Variants in NAGA observed in about 807,000 individuals in gnomAD.
NAGA encodes alpha-N-acetylgalactosaminidase, also known as Acetylgalactosaminidase, alpha-N- (alpha-galactosidase B).
A neutral mutation model predicts 45.6 loss-of-function variants in NAGA; 42 were observed. The observed-to-expected ratio is 0.92, with a 90% CI of 0.72 to 1.19. NAGA has a LOEUF of 1.19. NAGA is among the 50% of genes most tolerant of loss of function. NAGA has a pLI of 0.00. For synonymous variants in NAGA, 176 were observed against 203.1 expected, an observed-to-expected ratio of 0.87 and a Z score of 1.13; for missense variants, 493 against 544.8, an observed-to-expected ratio of 0.90 and a Z score of 0.95.
At position 42,068,521 on chromosome 22, in the gene NAGA, G is replaced by A. The variant is rs1348362674; in HGVS notation, c.70C>T (p.Gln24Ter). ...GCCAGCCAGCCCATGGGTGGTGTCT[G>A]CAGGAGCCCATTGTCCAGCATCAGC... ...QVLMLDNGLL[Q>*]TPPMGWLAWE... The change falls in exon 2 of 9, where the codon CAG becomes TAG. Residue 24 changes from glutamine to a stop codon, truncating the protein, a stop_gained. Transcript: ENST00000396398. LOFTEE classifies it high-confidence loss of function. The A allele has an allele frequency of 6.2e-7, 1 of 1,614,198 alleles. No individual in the cohort carries two copies. Among genetic ancestry groups the A allele is most frequent in the East Asian group, 2.2e-5 (1 of 44,890 alleles).
chr22:42,068,048 C>G, intron 2 of NAGA, 112 bp from the exon 3 acceptor site: 1 of 1,043,504 alleles, frequency 9.6e-7, no homozygotes, highest in Non-Finnish European at 1.5e-6. Flanking sequence ...CTTGCTGAGC[C>G]CTAAGCCAGG....
Position 42,066,774 on chromosome 22 carries a change from G to T in NAGA, c.533C>A (p.Ala178Asp), listed in dbSNP as rs1412187990. 6.2e-7 allele frequency: 1 copy of T among 1,606,704 alleles called. No homozygotes were observed. The highest frequency in any genetic ancestry group is 1.1e-5 in the South Asian group (1 of 89,736). The change falls in exon 5 of 9, where the codon GCC (alanine) becomes GAC (aspartate). Residue 178 changes from alanine to aspartate, a missense_variant. Physicochemically the swap from Ala to Asp is moderately radical, Grantham distance 126. Transcript: ENST00000396398. ...GGAGAAGGCGATGGGGCGGCCTGTGGCATTCAGGGCAGCAGCCATCTTGGG... is the reference window on the plus strand; with the variant it reads ...GGAGAAGGCGATGGGGCGGCCTGTGTCATTCAGGGCAGCAGCCATCTTGGG... ...GYPKMAAALN[A>D]TGRPIAFSCS...
Position 42,058,886 on chromosome 22 carries a change from C to T in NAGA, c.*1393G>A, listed in dbSNP as rs1343525029. 2 of 152,266 alleles carry T rather than the reference C, an allele frequency of 1.3e-5. No individual in the cohort carries two copies. Among genetic ancestry groups the T allele is most frequent in the Non-Finnish European group, 2.9e-5 (2 of 68,098 alleles). 9.4% of individuals were successfully genotyped at this position (152,266 alleles called of 1,614,324 possible). On this transcript the variant is annotated 3_prime_UTR_variant, in exon 9 of 9. Coordinates refer to ENST00000396398, the MANE Select transcript of NAGA (RefSeq NM_000262.3). ...GCCTGGGATGAGGTAGGCTTCTGTC[C>T]TAAGTTTCTCAACAGCCTCAAGACA... is the stretch of plus-strand genomic sequence containing the variant.
At position 42,060,941 on chromosome 22, in the gene NAGA, C is replaced by T. The variant is rs147253075; in HGVS notation, c.1084G>A (p.Gly362Arg). ...GTGCTCACCTCATATATCACAGACC[C>T]GGTGAAGTTCAGCTGGCCAAGGGAG... is the stretch of plus-strand genomic sequence containing the variant. ...HSSLGQLNFT[G>R]SVIYEAQDVY... The change falls in exon 8 of 9, where the codon GGG becomes AGG. Residue 362 changes from glycine to arginine, a missense_variant. Transcript: ENST00000396398. 6 of 1,614,180 alleles carry T rather than the reference C, an allele frequency of 3.7e-6. No homozygotes were observed. Among genetic ancestry groups the T allele is most frequent in the East Asian group, 4.5e-5 (2 of 44,880 alleles).
At position 42,060,908 on chromosome 22, in the gene NAGA, G is replaced by A; in HGVS notation, c.1101+16C>T. The stretch of plus-strand genomic sequence containing the variant: ...CTGAAGCCCAGGCGGGTGGCTGCAG[G>A]CAGCCGGGTGCTCACCTCATATATC... On this transcript the variant is annotated intron_variant, in intron 8 of 8. Coordinates refer to ENST00000396398, the MANE Select transcript of NAGA (RefSeq NM_000262.3). The A allele has an allele frequency of 6.2e-7, 1 of 1,614,110 alleles. No individual in the cohort carries two copies. Among genetic ancestry groups the A allele is most frequent in the Admixed American group, 1.7e-5 (1 of 60,026 alleles).
At chr22:42,061,145 G>A (rs1012733476) in intron 7 of NAGA, 78 bp from the exon 8 acceptor site, 1 of 1,552,160 alleles carries the variant, frequency 6.4e-7, no homozygotes, top group African/African-American at 1.4e-5. Flanking sequence ...CCCTCCCTGA[G>A]TTCTGGGTCC....
chr22:42,066,985 C>A, intron 4 of NAGA, 128 bp downstream of exon 4: 3 of 1,481,934 alleles, frequency 2.0e-6, no homozygotes, highest in South Asian at 2.3e-5. Context: ...TTTAGGGAGC[C>A]TGGGAGCCAC....
intron 6 of NAGA, among the ~76,000 whole-genome samples, chr22:42,064,074 C>T (rs4592949): frequency 2.6e-5 from 4 of 151,874 alleles, no homozygotes; most frequent in Non-Finnish European, 4.4e-5. Flanking sequence ...GGCGCGGTGG[C>T]TCACGCCTGT....
intron 2 of NAGA, among the ~76,000 whole-genome samples, chr22:42,068,204 G>A (rs915693247): frequency 6.6e-6 from 1 of 152,152 alleles, no homozygotes; most frequent in African/African-American, 2.4e-5. Flanking sequence ...TTATCTCAGG[G>A]GCTGGGTCCA....
rs1222258638 is a variant in NAGA, at chr22:42,068,450, C to A, written c.141G>T (p.Lys47Asn). 9 of 1,614,048 alleles carry A rather than the reference C, an allele frequency of 5.6e-6. No homozygotes were observed. The highest frequency in any genetic ancestry group is 7.6e-6 in the Non-Finnish European group (9 of 1,180,050). The change falls in exon 2 of 9, where the codon AAG becomes AAT. Residue 47 changes from lysine to asparagine, a missense_variant. By Grantham distance (94) the Lys-to-Asn change is moderately conservative. Transcript: ENST00000396398. ...TGGACCTTACTCACCTTATGCAGTT[C>A]TTTGGGTCCTCATCACAGTTAATGT... ...RCNINCDEDP[K>N]NCISEQLFME... is the part of the protein sequence containing the mutation.
intron 5 of NAGA, 94 bp from the exon 6 acceptor site, chr22:42,065,993 CAGAG>C: frequency 6.7e-7 from 1 of 1,481,618 alleles, no homozygotes; most frequent in South Asian, 1.2e-5. Context: ...GCAGGAGAGA[CAGAG>C]AGTGGGGAAG....
Position 42,062,710 on chromosome 22 carries a change from G to A in NAGA, c.957+117C>T. 2.6e-6 allele frequency: 3 copies of A among 1,162,964 alleles called. No individual in the cohort carries two copies. The South Asian group carries it at 3.7e-5, about 14-fold the overall frequency. 72.0% of individuals were successfully genotyped at this position (1,162,964 alleles called of 1,614,324 possible). On this transcript the variant is annotated intron_variant, in intron 7 of 8. Transcript: ENST00000396398. ...GCAACCAGAAGGGGTAGCCCTGGTT[G>A]GGGACTGGGCGACTCCTGTACCTCG...
intron 7 of NAGA, among the ~76,000 whole-genome samples, chr22:42,061,941 G>A (rs1926424080): frequency 9.5e-6 from 1 of 105,424 alleles, no homozygotes; most frequent in Admixed American, 1.4e-4. Flanking sequence ...TACAGAGTGA[G>A]ACTCCATCTC....
chr22:42,070,618 A>C lies in NAGA; in HGVS notation c.-321T>G, dbSNP rs1157674592. ...GCCGCCTTCGGCCCCGCCCGGGCTC[A>C]GAAAAAGGCAGCCACTGGCTTAAGG... On this transcript the variant is annotated 5_prime_UTR_variant, in exon 1 of 9. Coordinates refer to ENST00000396398, the MANE Select transcript of NAGA (RefSeq NM_000262.3). 3 of 505,618 alleles carry C rather than the reference A, an allele frequency of 5.9e-6. No homozygotes were observed. The highest frequency in any genetic ancestry group is 1.9e-5 in the African/African-American group (1 of 51,666). The allele number at this position is 505,618 out of a possible 1,614,324, so 31.3% of individuals were successfully genotyped here. A position where few individuals can be genotyped will look rare whatever the true frequency, so the allele number is the denominator to read the frequency against.
Position 42,070,374 on chromosome 22 carries a change from C to T in NAGA, c.-77G>A. ...AGCTGTATGTGTTGGGCTCTGGAAG[C>T]TAAGAAACGTCTGAAAAGCACTGGG... On this transcript the variant is annotated 5_prime_UTR_variant, in exon 1 of 9. Transcript: ENST00000396398. The T allele has an allele frequency of 6.3e-7, 1 of 1,577,856 alleles. No individual in the cohort carries two copies. Among genetic ancestry groups the T allele is most frequent in the South Asian group, 1.1e-5 (1 of 90,358 alleles).
At chr22:42,067,707 T>C (rs1412096387) in intron 3 of NAGA, 58 bp downstream of exon 3, 7 of 1,447,588 alleles carry the variant, frequency 4.8e-6, no homozygotes, top group Non-Finnish European at 6.7e-6. Context: ...CTAAGCGAGG[T>C]AGGGTGAAAG....
chr22:42,070,317 G>A lies in NAGA; in HGVS notation c.-20C>T, dbSNP rs2146847539. 1 of 1,614,172 alleles carries A rather than the reference G, an allele frequency of 6.2e-7. No homozygotes were observed. ...CAGCATCGCTCTGGACTCAGCTTCC[G>A]AGGACCTGACCAGATCTGGTCTGCG... On this transcript the variant is annotated 5_prime_UTR_variant, in exon 1 of 9. Transcript: ENST00000396398.
chr22:42,070,325 G>A lies in NAGA; in HGVS notation c.-28C>T, dbSNP rs766923263. ...CTCTGGACTCAGCTTCCGAGGACCT[G>A]ACCAGATCTGGTCTGCGTGTATCAG... On this transcript the variant is annotated 5_prime_UTR_variant, in exon 1 of 9. Transcript: ENST00000396398. The A allele has an allele frequency of 1.4e-5, 23 of 1,614,068 alleles. 1 individual carries two copies. The South Asian group carries it at 2.5e-4, about 18-fold the overall frequency.
chr22:42,068,086 G>A, intron 2 of NAGA, 150 bp from the exon 3 acceptor site: 1 of 833,044 alleles, frequency 1.2e-6, no homozygotes, highest in East Asian at 2.5e-5. Context: ...ACCAGAGATT[G>A]TGCGATGAGC....
Sources: allele counts gnomAD v4.1 joint callset (sites outside exome capture counted in the v4.1 genomes callset), GRCh38; gene constraint gnomAD v4.1.1; transcripts MANE v1.5; gene names NCBI Gene and HGNC (gene_info 2026-07-23, HGNC 2026-07-21).